HERPUD2: variants seen among roughly 807,000 people sequenced by gnomAD.
The protein encoded by HERPUD2 is HERPUD family member 2.
A neutral mutation model predicts 49.9 loss-of-function variants in HERPUD2; 13 were observed. The ratio of observed to expected loss-of-function variants is 0.26; its 90% CI spans 0.17 to 0.41. HERPUD2 has a LOEUF of 0.41. Ranked by LOEUF, HERPUD2 falls within the 10% of genes least tolerant of loss-of-function variation. HERPUD2 has a pLI of 1.00. For missense variants in HERPUD2, 449 were observed against 492.2 expected, an observed-to-expected ratio of 0.91 and a Z score of 0.83; for synonymous variants, 172 against 171.4, an observed-to-expected ratio of 1.00 and a Z score of -0.03.
At chr7:35,671,471 A>C (rs1036365526) in intron 3 of HERPUD2, among the ~76,000 whole-genome samples, 16 of 152,088 alleles carry the variant, frequency 1.1e-4, no homozygotes, top group African/African-American at 3.9e-4. Flanking sequence ...CGTCTCCCTT[A>C]GCTTCTTAAT....
At chr7:35,685,753 G>A (rs1291628980) in intron 2 of HERPUD2, among the ~76,000 whole-genome samples, 1 of 152,026 alleles carries the variant, frequency 6.6e-6, no homozygotes, top group Non-Finnish European at 1.5e-5. Context: ...CCAGCTGGGA[G>A]GATCACTTGA....
chr7:35,658,873 A>G (rs1583551664), intron 5 of HERPUD2, among the ~76,000 whole-genome samples: 1 of 152,352 alleles, frequency 6.6e-6, no homozygotes, highest in South Asian at 2.1e-4. Context: ...CTCAGGAGCT[A>G]GGTAGGCAAA....
At chr7:35,641,524 C>T (rs1562668627) in intron 5 of HERPUD2, among the ~76,000 whole-genome samples, 1 of 152,094 alleles carries the variant, frequency 6.6e-6, no homozygotes, top group Non-Finnish European at 1.5e-5. Flanking sequence ...AAGGCAATCC[C>T]AGGCAAAAGG....
In HERPUD2 at chr7:35,673,227, G is replaced by C. The variant is rs764460760; in HGVS notation, c.199C>G (p.Leu67Val). The change falls in exon 3 of 9, where the codon CTG becomes GTG. Residue 67 changes from leucine (L) to valine (V), a missense_variant. Leu to Val is a conservative substitution (Grantham distance 32). Transcript: ENST00000311350. The stretch of plus-strand genomic sequence containing the variant: ...TTTCTGAGAATGTCTTTCAGCTGCA[G>C]ATGATCGGGAAGCAGTCTGCCCGAA... ...VYSGRLLPDHLQLKDILRKQD... is the reference protein window; with the variant it reads ...VYSGRLLPDHVQLKDILRKQD... 4 of 1,611,946 alleles carry C rather than the reference G, an allele frequency of 2.5e-6. No individual in the cohort carries two copies. Among genetic ancestry groups the C allele is most frequent in the Admixed American group, 3.4e-5 (2 of 59,514 alleles).
At position 35,638,302 on chromosome 7, in the gene HERPUD2, G is replaced by A. The variant is rs1045950646; in HGVS notation, c.617+48C>T. On this transcript the variant is annotated intron_variant, in intron 6 of 8. Coordinates refer to ENST00000311350, the MANE Select transcript of HERPUD2 (RefSeq NM_022373.5). ...TTACTTAGGATAAAAAGAAAATAAA[G>A]CAAATAACACACTGAGTAACTTAAA... 3 of 1,502,794 alleles carry A rather than the reference G, an allele frequency of 2.0e-6. No homozygotes were observed. In the African/African-American group the frequency reaches 4.2e-5, roughly 21 times the overall value. The allele number at this position is 1,502,794 out of a possible 1,614,324, so 93.1% of individuals were successfully genotyped here.
chr7:35,664,385 G>A (rs528837271), intron 5 of HERPUD2, among the ~76,000 whole-genome samples: 17 of 152,168 alleles, frequency 1.1e-4, no homozygotes, highest in Admixed American at 2.0e-4. Context: ...TGCTATTCTC[G>A]AGGAGTATCT....
Position 35,694,437 on chromosome 7 carries a change from G to C in HERPUD2, c.-107C>G. The C allele has an allele frequency of 5.3e-6, 6 of 1,139,530 alleles. No homozygotes were observed. Among genetic ancestry groups the C allele is most frequent in the Non-Finnish European group, 7.8e-6 (6 of 772,096 alleles). The allele number at this position is 1,139,530 out of a possible 1,614,324, so 70.6% of individuals were successfully genotyped here. On this transcript the variant is annotated 5_prime_UTR_variant, in exon 2 of 9. An upstream open reading frame in the 5' UTR gains an earlier in-frame stop. Coordinates refer to ENST00000311350, the MANE Select transcript of HERPUD2 (RefSeq NM_022373.5). ...GGATGAGGACAGAAGTGAGTTCTTA[G>C]TATTCCGTGTCCAAGTCAGTTACAA...
At chr7:35,684,933 T>C (rs1020213844) in intron 2 of HERPUD2, among the ~76,000 whole-genome samples, 21 of 152,270 alleles carry the variant, frequency 1.4e-4, no homozygotes, top group Admixed American at 5.2e-4. Context: ...TTCTATATTT[T>C]TACAGTAATT....
Position 35,675,084 on chromosome 7 carries a change from G to C in HERPUD2, c.148-1806C>G, listed in dbSNP as rs187283249. On this transcript the variant is annotated intron_variant, in intron 2 of 8. Transcript: ENST00000311350. ...CCTGTGCTTGGGACCACATATGAAGGGGGGCAGTCTTGTGGGATTGAGCCC... is the reference window on the plus strand; with the variant it reads ...CCTGTGCTTGGGACCACATATGAAGCGGGGCAGTCTTGTGGGATTGAGCCC... Among the ~76,000 whole-genome samples, 567 of 152,260 alleles carry C rather than the reference G, an allele frequency of 3.7e-3. 4 individuals are homozygous for C. Among genetic ancestry groups the C allele is most frequent in the Middle Eastern group, 6.8e-3 (2 of 294 alleles).
At chr7:35,662,919 A>G (rs1337862969) in intron 5 of HERPUD2, among the ~76,000 whole-genome samples, 1 of 152,056 alleles carries the variant, frequency 6.6e-6, no homozygotes, top group Non-Finnish European at 1.5e-5. Flanking sequence ...CAGCTTTTGA[A>G]TGTGTTTGGT....
chr7:35,663,216 T>TGCACTGTG (rs1455771494), intron 5 of HERPUD2, among the ~76,000 whole-genome samples: 1 of 152,230 alleles, frequency 6.6e-6, no homozygotes, highest in East Asian at 1.9e-4. Flanking sequence ...TTAGTTTGAT[T>TGCACTGTG]GCACTGTGGT....
intron 5 of HERPUD2, among the ~76,000 whole-genome samples, chr7:35,646,613 AAATT>A (rs1583542349): frequency 2.0e-5 from 3 of 152,334 alleles, no homozygotes; most frequent in East Asian, 3.9e-4. Context: ...ACAAAATGTT[AAATT>A]AATTGTCTTC....
intron 5 of HERPUD2, among the ~76,000 whole-genome samples, chr7:35,665,076 T>G (rs1308898012): frequency 6.6e-6 from 1 of 152,142 alleles, no homozygotes; most frequent in African/African-American, 2.4e-5. Context: ...GGGACCCACT[T>G]GAGGAGGCAG....
chr7:35,638,371 G>A lies in HERPUD2; in HGVS notation c.596C>T (p.Ala199Val), dbSNP rs1482795619. ...LQMLWWQQMY[A>V]HQYYMQYQAA... ...TTACTACTGCATATAATACTGATGAGCATACATCTGTTGCCACCATAGCAT... is the reference window on the plus strand; with the variant it reads ...TTACTACTGCATATAATACTGATGAACATACATCTGTTGCCACCATAGCAT... Residue 199 changes from alanine (A) to valine (V), a missense_variant, in exon 6 of 9, where the codon GCT (alanine) becomes GTT (valine). Transcript: ENST00000311350. The A allele has an allele frequency of 1.2e-6, 2 of 1,613,082 alleles. No homozygotes were observed. The highest frequency in any genetic ancestry group is 1.7e-6 in the Non-Finnish European group (2 of 1,179,214).
At chr7:35,662,091 T>C (rs1394435718) in intron 5 of HERPUD2, among the ~76,000 whole-genome samples, 1 of 152,238 alleles carries the variant, frequency 6.6e-6, no homozygotes, top group African/African-American at 2.4e-5. Flanking sequence ...TGAAGAGCTG[T>C]TGAATTTTGT....
intron 2 of HERPUD2, among the ~76,000 whole-genome samples, chr7:35,673,771 T>C (rs1206312682): frequency 6.6e-6 from 1 of 152,168 alleles, no homozygotes; most frequent in African/African-American, 2.4e-5. Context: ...TGCAGAACAA[T>C]TTATTGGTTT....
intron 4 of HERPUD2, among the ~76,000 whole-genome samples, chr7:35,669,809 G>A (rs2115963929): frequency 6.6e-6 from 1 of 152,060 alleles, no homozygotes; most frequent in Non-Finnish European, 1.5e-5. Flanking sequence ...AAGATTTAGG[G>A]TACTTAAATT....
intron 8 of HERPUD2, 106 bp downstream of exon 8, chr7:35,634,206 T>G (rs1784833399): frequency 1.4e-6 from 1 of 733,262 alleles, no homozygotes; most frequent in African/African-American, 1.8e-5. Flanking sequence ...TCATGTGCCA[T>G]TTCACAAATA....
Position 35,679,614 on chromosome 7 carries a change from T to G in HERPUD2, c.148-6336A>C, listed in dbSNP as rs58089991. ...GTGTACATTTCATTCATATCACTGG[T>G]TTTTGCCCTGCCAGAGTCTGCTAAA... On this transcript the variant is annotated intron_variant, in intron 2 of 8. Coordinates refer to ENST00000311350, the MANE Select transcript of HERPUD2 (RefSeq NM_022373.5). 2.8e-3 allele frequency among the ~76,000 whole-genome samples: 429 copies of G among 152,274 alleles called. 1 individual carries two copies. Among genetic ancestry groups the G allele is most frequent in the African/African-American group, 9.2e-3 (383 of 41,546 alleles).
Sources: gnomAD v4.1 joint callset for allele counts (sites outside exome capture counted in the v4.1 genomes callset) on GRCh38, gnomAD v4.1.1 for gene constraint, MANE v1.5 for transcripts, NCBI Gene and HGNC (gene_info 2026-07-23, HGNC 2026-07-21) for gene names.